The following RSRC1 variants were observed in gnomAD, a reference collection of about 807,000 sequenced individuals.
RSRC1 encodes the protein arginine and serine rich coiled-coil 1.
A neutral mutation model predicts 49.1 loss-of-function variants in RSRC1; 39 were observed. That is an observed-to-expected ratio of 0.79 (90% CI 0.61 to 1.04). RSRC1 has a LOEUF of 1.04. Ranked by LOEUF, RSRC1 falls within the 50% of genes least tolerant of loss-of-function variation. RSRC1 has a pLI of 0.00. For missense variants in RSRC1, 388 were observed against 402.4 expected (o/e 0.96, Z 0.31); for synonymous variants, 143 against 130.8 (o/e 1.09, Z -0.63).
chr3:158,317,297 C>T (rs1412784977), intron 5 of RSRC1, among the ~76,000 whole-genome samples: 3 of 152,116 alleles, frequency 2.0e-5, no homozygotes, highest in Non-Finnish European at 4.4e-5. Context: ...GGCGTGATCT[C>T]GGCTCACTGC....
At chr3:158,399,492 A>T (rs1733792162) in intron 6 of RSRC1, among the ~76,000 whole-genome samples, 1 of 152,136 alleles carries the variant, frequency 6.6e-6, no homozygotes, top group Non-Finnish European at 1.5e-5. Flanking sequence ...GAACTGAGGC[A>T]TACAGGTTAG....
intron 6 of RSRC1, among the ~76,000 whole-genome samples, chr3:158,436,087 GTTAA>G (rs1332422338): frequency 2.0e-5 from 3 of 151,792 alleles, no homozygotes; most frequent in Non-Finnish European, 2.9e-5. Flanking sequence ...CATTTTGTGA[GTTAA>G]TTTTTACTTT....
intron 3 of RSRC1, among the ~76,000 whole-genome samples, chr3:158,142,111 A>T (rs937938160): frequency 1.3e-5 from 2 of 152,228 alleles, no homozygotes; most frequent in Admixed American, 6.5e-5. Context: ...AAAGAAAGAA[A>T]GAAAGAAAGA....
At chr3:158,487,304 T>C (rs1228280912) in intron 7 of RSRC1, among the ~76,000 whole-genome samples, 3 of 149,300 alleles carry the variant, frequency 2.0e-5, no homozygotes, top group Non-Finnish European at 4.5e-5. Flanking sequence ...AATTTGGAAG[T>C]GCCATGATTT....
chr3:158,416,913 T>A (rs1734765605), intron 6 of RSRC1, among the ~76,000 whole-genome samples: 1 of 152,106 alleles, frequency 6.6e-6, no homozygotes, highest in South Asian at 2.1e-4. Context: ...TGAAGATTTT[T>A]TTTAAGGTGA....
At chr3:158,118,462 T>TGTGCGC (rs1491469875) in intron 1 of RSRC1, among the ~76,000 whole-genome samples, 1,542 of 124,648 alleles carry the variant, frequency 0.012, 32 homozygotes, top group African/African-American at 0.013. Context: ...TGTGTGTGTG[T>TGTGCGC]GCGCGTGCGC....
At chr3:158,126,313 T>G (rs902315866) in intron 3 of RSRC1, among the ~76,000 whole-genome samples, 3 of 152,132 alleles carry the variant, frequency 2.0e-5, no homozygotes, top group African/African-American at 4.8e-5. Flanking sequence ...GCTGCCTTCC[T>G]TTTTGTTTTG....
At chr3:158,347,918 T>C (rs1560004404) in intron 5 of RSRC1, among the ~76,000 whole-genome samples, 1 of 152,206 alleles carries the variant, frequency 6.6e-6, no homozygotes, top group Non-Finnish European at 1.5e-5. Context: ...GTAGTAGGTG[T>C]ATATATTTAT....
intron 5 of RSRC1, among the ~76,000 whole-genome samples, chr3:158,327,091 A>G (rs9681202): frequency 0.31 from 47,357 of 151,374 alleles, 7,613 homozygotes; most frequent in South Asian, 0.41. Context: ...GTAATGGGAT[A>G]TATCATTTTT....
intron 6 of RSRC1, among the ~76,000 whole-genome samples, chr3:158,434,154 T>C (rs901972311): frequency 6.6e-6 from 1 of 151,988 alleles, no homozygotes; most frequent in Admixed American, 6.6e-5. Context: ...TCAGCTCTAC[T>C]CTGTGATGTT....
chr3:158,158,828 A>C (rs141524234), intron 3 of RSRC1, among the ~76,000 whole-genome samples: 129 of 151,618 alleles, frequency 8.5e-4, no homozygotes, highest in African/African-American at 3.0e-3. Context: ...AATCTCAGCT[A>C]CTCGGGAGGC....
chr3:158,508,441 A>G (rs1004351175), intron 7 of RSRC1, among the ~76,000 whole-genome samples: 2 of 134,646 alleles, frequency 1.5e-5, no homozygotes, highest in African/African-American at 5.3e-5. Flanking sequence ...ACTATCCACA[A>G]TATATAACTA....
chr3:158,491,677 T>G (rs532402788), intron 7 of RSRC1, among the ~76,000 whole-genome samples: 2 of 152,360 alleles, frequency 1.3e-5, no homozygotes, highest in East Asian at 3.9e-4. Context: ...GACATGTGTT[T>G]GATTATCTTT....
chr3:158,416,083 A>G (rs1323701698), intron 6 of RSRC1, among the ~76,000 whole-genome samples: 11 of 152,048 alleles, frequency 7.2e-5, no homozygotes, highest in East Asian at 5.8e-4. Flanking sequence ...CTCAAATGTA[A>G]TGCTTTCTTT....
intron 3 of RSRC1, among the ~76,000 whole-genome samples, chr3:158,167,747 T>G (rs1458338494): frequency 2.0e-5 from 3 of 152,146 alleles, no homozygotes; most frequent in African/African-American, 7.2e-5. Flanking sequence ...TTAGATATAT[T>G]AATATGTGCT....
chr3:158,329,221 C>T (rs114727897), intron 5 of RSRC1, among the ~76,000 whole-genome samples: 4,052 of 152,318 alleles, frequency 0.027, 165 homozygotes, highest in African/African-American at 0.093. Context: ...TCGTCTGAAA[C>T]TTTCTTCTCT....
chr3:158,163,255 C>T (rs1718347230), intron 3 of RSRC1, among the ~76,000 whole-genome samples: 1 of 152,142 alleles, frequency 6.6e-6, no homozygotes, highest in African/African-American at 2.4e-5. Flanking sequence ...CTCCTGCCTC[C>T]TCTGCCTCCC....
At chr3:158,177,641 CA>C (rs1719309951) in intron 3 of RSRC1, among the ~76,000 whole-genome samples, 1 of 150,888 alleles carries the variant, frequency 6.6e-6, no homozygotes, top group African/African-American at 2.4e-5. Flanking sequence ...CAGGGCCTGT[CA>C]GAGTGTGGGG....
chr3:158,143,485 T>G (rs969976171), intron 3 of RSRC1, among the ~76,000 whole-genome samples: 2 of 152,158 alleles, frequency 1.3e-5, no homozygotes, highest in Admixed American at 6.6e-5. Context: ...CATTACTTAT[T>G]TTTTTAAATG....
Sources: allele counts gnomAD v4.1 joint callset (sites outside exome capture counted in the v4.1 genomes callset), GRCh38; gene constraint gnomAD v4.1.1; transcripts MANE v1.5; gene names NCBI Gene and HGNC (gene_info 2026-07-23, HGNC 2026-07-21).